Variants in CTNNA3 observed in about 807,000 individuals in gnomAD.
CTNNA3 encodes catenin alpha 3.
In CTNNA3, 76 loss-of-function variants were observed where a neutral mutation model predicts 95.7. The observed-to-expected ratio is 0.79, with a 90% confidence interval of 0.66 to 0.96. CTNNA3 has a LOEUF of 0.96. CTNNA3 is among the 40% of genes least tolerant of loss of function. The probability of loss-of-function intolerance (pLI) is 0.00; values close to 1 mark genes in which losing one functional copy is unlikely to be tolerated. For missense variants in CTNNA3, 1,191 were observed against 1,089.8 expected (o/e 1.09, Z -1.31); for synonymous variants, 431 against 374.4 (o/e 1.15, Z -1.74).
intron 5 of CTNNA3, among the ~76,000 whole-genome samples, chr10:67,518,879 G>C (rs1194758068): frequency 1.3e-5 from 2 of 152,080 alleles, no homozygotes; most frequent in African/African-American, 4.8e-5. Context: ...CTCCAAGACT[G>C]TACCTGCCTT....
intron 10 of CTNNA3, among the ~76,000 whole-genome samples, chr10:66,561,148 AC>A (rs1223368058): frequency 1.3e-5 from 2 of 152,148 alleles, no homozygotes; most frequent in Non-Finnish European, 2.9e-5. Flanking sequence ...TTAAACATTA[AC>A]AAGTTATAAA....
intron 9 of CTNNA3, among the ~76,000 whole-genome samples, chr10:66,656,685 T>G (rs1846083837): frequency 6.6e-6 from 1 of 152,076 alleles, no homozygotes; most frequent in East Asian, 1.9e-4. Context: ...CTTGGATCCA[T>G]GTCATGACAA....
chr10:66,162,902 G>A (rs1428087202), intron 13 of CTNNA3, among the ~76,000 whole-genome samples: 5 of 151,826 alleles, frequency 3.3e-5, no homozygotes, highest in African/African-American at 1.2e-4. Flanking sequence ...TGTGGGGGGT[G>A]GGGGTAAGAT....
chr10:67,460,011 T>C (rs919037617), intron 5 of CTNNA3, among the ~76,000 whole-genome samples: 1 of 152,160 alleles, frequency 6.6e-6, no homozygotes, highest in Non-Finnish European at 1.5e-5. Flanking sequence ...ATCCTTCAAA[T>C]ACATTTTTAT....
intron 11 of CTNNA3, among the ~76,000 whole-genome samples, chr10:66,379,923 T>C (rs1175844524): frequency 6.6e-6 from 1 of 152,118 alleles, no homozygotes; most frequent in Non-Finnish European, 1.5e-5. Flanking sequence ...TGATTAATAC[T>C]CCCAGCTAAA....
At chr10:67,530,761 G>C (rs1840300198) in intron 4 of CTNNA3, among the ~76,000 whole-genome samples, 1 of 152,174 alleles carries the variant, frequency 6.6e-6, no homozygotes, top group South Asian at 2.1e-4. Flanking sequence ...ATGTCTCCAG[G>C]GCATGTCAGA....
intron 13 of CTNNA3, among the ~76,000 whole-genome samples, chr10:66,177,101 A>G (rs2085755047): frequency 6.6e-6 from 1 of 152,104 alleles, no homozygotes; most frequent in Admixed American, 6.6e-5. Context: ...CCCACGCACA[A>G]CCTAAATCTA....
intron 13 of CTNNA3, among the ~76,000 whole-genome samples, chr10:66,187,316 GA>G (rs2086397489): frequency 6.6e-6 from 1 of 151,116 alleles, no homozygotes; most frequent in Non-Finnish European, 1.5e-5. Flanking sequence ...CAGCAGTTAG[GA>G]AAAAACAACA....
intron 11 of CTNNA3, among the ~76,000 whole-genome samples, chr10:66,419,227 A>G (rs1564944214): frequency 6.6e-6 from 1 of 152,102 alleles, no homozygotes; most frequent in Non-Finnish European, 1.5e-5. Flanking sequence ...ATACACCAAT[A>G]ATGAAATAGC....
chr10:66,559,216 ACT>A (rs1263011498), intron 10 of CTNNA3, among the ~76,000 whole-genome samples: 3 of 151,610 alleles, frequency 2.0e-5, no homozygotes, highest in Non-Finnish European at 4.4e-5. Flanking sequence ...ACCCTTCTCC[ACT>A]CTGTTTCTAT....
intron 7 of CTNNA3, among the ~76,000 whole-genome samples, chr10:66,799,002 G>A (rs1841322799): frequency 6.6e-6 from 1 of 151,520 alleles, no homozygotes; most frequent in Admixed American, 6.6e-5. Flanking sequence ...CTATGAGAGA[G>A]CTTTCTTTGC....
At chr10:67,442,426 A>T (rs552640574) in intron 5 of CTNNA3, among the ~76,000 whole-genome samples, 29 of 151,910 alleles carry the variant, frequency 1.9e-4, no homozygotes, top group African/African-American at 6.0e-4. Context: ...TAAACAGATT[A>T]AAAAAAAGAG....
chr10:66,663,015 T>G (rs983993160), intron 9 of CTNNA3, among the ~76,000 whole-genome samples: 9 of 152,088 alleles, frequency 5.9e-5, no homozygotes, highest in Admixed American at 2.0e-4. Flanking sequence ...CTGAAATTGC[T>G]TCTGTCTAAT....
intron 11 of CTNNA3, among the ~76,000 whole-genome samples, chr10:66,487,181 ATTTTTTTTTTTTTTTTTTTTTTTTTT>A (rs60547696): frequency 2.2e-5 from 1 of 45,946 alleles, no homozygotes; most frequent in African/African-American, 9.0e-5. Context: ...AAAAGGGCAG[ATTTTTTTTTTTTTTTTTTTTTTTTTT>A]TTTTTTTTTT....
intron 11 of CTNNA3, among the ~76,000 whole-genome samples, chr10:66,496,500 T>C (rs1026149809): frequency 6.6e-6 from 1 of 152,170 alleles, no homozygotes; most frequent in African/African-American, 2.4e-5. Flanking sequence ...AGACATTACA[T>C]AAACCAGAAG....
intron 11 of CTNNA3, among the ~76,000 whole-genome samples, chr10:66,474,289 A>G (rs1839244456): frequency 6.6e-6 from 1 of 152,082 alleles, no homozygotes; most frequent in Non-Finnish European, 1.5e-5. Flanking sequence ...GATTTCACAT[A>G]TGAGTGAGAT....
chr10:67,541,333 T>C (rs931163057), intron 3 of CTNNA3, among the ~76,000 whole-genome samples: 4 of 152,006 alleles, frequency 2.6e-5, no homozygotes, highest in African/African-American at 9.6e-5. Flanking sequence ...CATTGACTCA[T>C]GAACCTTAAC....
intron 11 of CTNNA3, among the ~76,000 whole-genome samples, chr10:66,516,206 C>T (rs1840852134): frequency 1.3e-5 from 2 of 151,890 alleles, no homozygotes; most frequent in African/African-American, 4.8e-5. Context: ...GAGAAGATGC[C>T]ATAATCTGTG....
At chr10:66,508,922 A>G (rs1840559548) in intron 11 of CTNNA3, among the ~76,000 whole-genome samples, 2 of 152,110 alleles carry the variant, frequency 1.3e-5, no homozygotes, top group Admixed American at 6.6e-5. Flanking sequence ...TTGCTAGATC[A>G]TATGGAAGTC....
Sources: gnomAD v4.1 joint callset for allele counts (sites outside exome capture counted in the v4.1 genomes callset) on GRCh38, gnomAD v4.1.1 for gene constraint, MANE v1.5 for transcripts, NCBI Gene and HGNC (gene_info 2026-07-23, HGNC 2026-07-21) for gene names.